Variants in L3MBTL4 observed in about 807,000 individuals in gnomAD.
L3MBTL4 encodes L3MBTL histone methyl-lysine binding protein 4.
A neutral mutation model predicts 84.5 loss-of-function variants in L3MBTL4; 70 were observed. That is an observed-to-expected ratio of 0.83 (90% CI 0.68 to 1.01). The LOEUF (loss-of-function observed/expected upper bound fraction) is 1.01, where lower values mean the gene tolerates loss of function less well. L3MBTL4 is among the 50% of genes least tolerant of loss of function. The pLI is 0.00. For missense variants in L3MBTL4, 715 were observed against 754.8 expected (o/e 0.95, Z 0.62); for synonymous variants, 274 against 259.8 (o/e 1.05, Z -0.52).
intron 4 of L3MBTL4, among the ~76,000 whole-genome samples, chr18:6,282,291 A>G (rs2049355553): frequency 6.6e-6 from 1 of 152,210 alleles, no homozygotes. Context: ...TGCAAACCAT[A>G]CTAAGTAAGT....
chr18:5,972,997 T>C (rs1453113933), intron 16 of L3MBTL4, among the ~76,000 whole-genome samples: 3 of 152,084 alleles, frequency 2.0e-5, no homozygotes, highest in African/African-American at 4.8e-5. Flanking sequence ...GCAAAACTTA[T>C]ACCTCATTGA....
At chr18:5,972,842 AG>A (rs1331744663) in intron 16 of L3MBTL4, among the ~76,000 whole-genome samples, 1 of 151,412 alleles carries the variant, frequency 6.6e-6, no homozygotes, top group Non-Finnish European at 1.5e-5. Flanking sequence ...AATAGGAGGG[AG>A]ACAAAAAATA....
intron 16 of L3MBTL4, among the ~76,000 whole-genome samples, chr18:6,020,315 G>C (rs2055190113): frequency 6.6e-6 from 1 of 152,042 alleles, no homozygotes; most frequent in Admixed American, 6.6e-5. Context: ...GAGAAGAAGG[G>C]GGAAAGCAGG....
intron 12 of L3MBTL4, among the ~76,000 whole-genome samples, chr18:6,179,342 G>C (rs2044363478): frequency 6.6e-6 from 1 of 152,134 alleles, no homozygotes; most frequent in Non-Finnish European, 1.5e-5. Context: ...AATACATTTT[G>C]AGTTAACTAG....
intron 16 of L3MBTL4, among the ~76,000 whole-genome samples, chr18:5,977,205 C>T (rs1406882564): frequency 6.6e-6 from 1 of 152,254 alleles, no homozygotes; most frequent in Non-Finnish European, 1.5e-5. Context: ...AGAGGCCCCT[C>T]CTCCCAGGCG....
intron 16 of L3MBTL4, among the ~76,000 whole-genome samples, chr18:6,002,688 G>A (rs1029371097): frequency 6.6e-6 from 1 of 151,766 alleles, no homozygotes; most frequent in African/African-American, 2.4e-5. Flanking sequence ...TAAGTACAGA[G>A]TATATACAAA....
Position 6,099,585 on chromosome 18 carries a change from A to AAT in L3MBTL4, c.1200-6059_1200-6058dup, listed in dbSNP as rs36091567. Reference sequence around the variant, plus strand: ...TATCTATAGATAGATAGATAATGTAAATATATATATATATATATATATGGA... The same window carrying AAT: ...TATCTATAGATAGATAGATAATGTAAATATATATATATATATATATATATGGA... On this transcript the variant is annotated intron_variant, in intron 14 of 18. Transcript: ENST00000317931. Among the ~76,000 whole-genome samples the AAT allele has an allele frequency of 4.0e-3, 258 of 64,728 alleles. 76 individuals are homozygous for AAT. The highest frequency in any genetic ancestry group is 0.016 in the Middle Eastern group (2 of 124). The allele number at this position is 64,728 out of a possible 152,430, so 42.5% of individuals were successfully genotyped here. A position where few individuals can be genotyped will look rare whatever the true frequency, so the allele number is the denominator to read the frequency against.
Position 6,184,005 on chromosome 18 carries a change from T to C in L3MBTL4, c.982-12063A>G, listed in dbSNP as rs536781264. Among the ~76,000 whole-genome samples, 3 of 152,328 alleles carry C rather than the reference T, an allele frequency of 2.0e-5. No individual in the cohort carries two copies. In the South Asian group the frequency reaches 6.2e-4, roughly 32 times the overall value. On this transcript the variant is annotated intron_variant, in intron 12 of 18. Coordinates refer to ENST00000317931, the MANE Select transcript of L3MBTL4 (RefSeq NM_001330559.2). ...ACCTTGAACAACATGATGGACAATA[T>C]GATATAGTGCCTGCACAATAATTTA...
intron 16 of L3MBTL4, among the ~76,000 whole-genome samples, chr18:6,026,485 G>A (rs181178079): frequency 8.5e-5 from 13 of 152,340 alleles, no homozygotes; most frequent in Admixed American, 8.5e-4. Context: ...TAAGCTGTGG[G>A]AGACAGTCTG....
chr18:6,272,947 G>A (rs2048947086), intron 4 of L3MBTL4, among the ~76,000 whole-genome samples: 4 of 74,726 alleles, frequency 5.4e-5, no homozygotes, highest in Non-Finnish European at 2.4e-5. Flanking sequence ...TAAACTGGTG[G>A]TTCTACAGAG....
At chr18:6,394,873 T>C (rs1233263953) in intron 1 of L3MBTL4, 2 of 152,298 alleles carry the variant, frequency 1.3e-5, no homozygotes, top group East Asian at 3.9e-4. Context: ...CTATATGAGA[T>C]AGAGGGAAAA....
chr18:6,045,938 G>A (rs954137125), intron 16 of L3MBTL4, among the ~76,000 whole-genome samples: 10 of 152,136 alleles, frequency 6.6e-5, no homozygotes, highest in African/African-American at 2.4e-4. Context: ...AAGGCACAGA[G>A]TTGCAAATTG....
At chr18:6,222,995 G>A (rs562442680) in intron 10 of L3MBTL4, among the ~76,000 whole-genome samples, 368 of 144,932 alleles carry the variant, frequency 2.5e-3, no homozygotes, top group Middle Eastern at 7.5e-3. Context: ...GCTTTGCAAG[G>A]AAATTATGAG....
chr18:5,974,526 G>A (rs531150489), intron 16 of L3MBTL4, among the ~76,000 whole-genome samples: 2 of 152,310 alleles, frequency 1.3e-5, no homozygotes, highest in South Asian at 4.1e-4. Flanking sequence ...GCCAGGGGAA[G>A]GCCAATTTTT....
intron 5 of L3MBTL4, among the ~76,000 whole-genome samples, chr18:6,262,880 A>G (rs1449786242): frequency 6.6e-6 from 1 of 152,182 alleles, no homozygotes; most frequent in African/African-American, 2.4e-5. Context: ...CATATCCAGG[A>G]TTACAAATGC....
At chr18:6,035,180 T>C (rs1461707154) in intron 16 of L3MBTL4, among the ~76,000 whole-genome samples, 1 of 150,522 alleles carries the variant, frequency 6.6e-6, no homozygotes, top group African/African-American at 2.4e-5. Flanking sequence ...ATTTTGGCTT[T>C]TGTTGCCATT....
chr18:6,392,355 C>G (rs2055091450), intron 1 of L3MBTL4, among the ~76,000 whole-genome samples: 1 of 152,192 alleles, frequency 6.6e-6, no homozygotes, highest in South Asian at 2.1e-4. Flanking sequence ...TCAAGACCAG[C>G]CTGGCCAACA....
intron 14 of L3MBTL4, among the ~76,000 whole-genome samples, chr18:6,114,837 C>T (rs1237271555): frequency 1.3e-5 from 2 of 152,192 alleles, no homozygotes; most frequent in African/African-American, 4.8e-5. Flanking sequence ...ATACTGCTGC[C>T]TTCAGTGCTG....
chr18:6,324,259 G>T (rs1298506360), intron 1 of L3MBTL4, among the ~76,000 whole-genome samples: 2 of 152,210 alleles, frequency 1.3e-5, no homozygotes, highest in Admixed American at 6.5e-5. Context: ...CCTCTGCTAG[G>T]GCAGTGCAGA....
Sources: allele counts gnomAD v4.1 joint callset (sites outside exome capture counted in the v4.1 genomes callset), GRCh38; gene constraint gnomAD v4.1.1; transcripts MANE v1.5; gene names NCBI Gene and HGNC (gene_info 2026-07-23, HGNC 2026-07-21).